The following KAT6B variants were observed in gnomAD, a reference collection of about 807,000 sequenced individuals.
KAT6B encodes lysine acetyltransferase 6B.
KAT6B carries 10 observed loss-of-function variants against 187.5 expected under a neutral mutation model. That is an observed-to-expected ratio of 0.05 (90% CI 0.03 to 0.09). The LOEUF is 0.09. Among genes scored for constraint, KAT6B ranks in the 10% least tolerant of loss-of-function variants. KAT6B has a pLI of 1.00. For synonymous variants in KAT6B, 861 were observed against 926.8 expected (o/e 0.93, Z 1.29); for missense variants, 1,952 against 2,558.9 (o/e 0.76, Z 5.12).
At chr10:75,000,676 A>C (rs1263045088) in intron 13 of KAT6B, among the ~76,000 whole-genome samples, 1 of 152,170 alleles carries the variant, frequency 6.6e-6, no homozygotes, top group Non-Finnish European at 1.5e-5. Context: ...CATTTCTAAA[A>C]TTAGTATGTT....
At chr10:74,984,636 G>A (rs1460985704) in intron 11 of KAT6B, 1 of 184,588 alleles carries the variant, frequency 5.4e-6, no homozygotes, top group African/African-American at 2.4e-5. Flanking sequence ...GAATAATACA[G>A]TTCATTTATT....
intron 3 of KAT6B, among the ~76,000 whole-genome samples, chr10:74,894,942 C>T (rs2132683195): frequency 6.6e-6 from 1 of 152,220 alleles, no homozygotes; most frequent in Admixed American, 6.5e-5. Flanking sequence ...GCTGGATCAT[C>T]ATTCTGTTTT....
At chr10:74,952,846 A>ATTTTTTTTTTTTTTT (rs34687036) in intron 3 of KAT6B, among the ~76,000 whole-genome samples, 3 of 90,520 alleles carry the variant, frequency 3.3e-5, no homozygotes, top group African/African-American at 8.2e-5. Context: ...TGCCTGGCTA[A>ATTTTTTTTTTTTTTT]TTTTTTTTTT....
chr10:74,901,820 A>T (rs971670684), intron 3 of KAT6B, among the ~76,000 whole-genome samples: 4 of 152,222 alleles, frequency 2.6e-5, no homozygotes, highest in African/African-American at 9.6e-5. Flanking sequence ...CTTTTAGAAG[A>T]TCTTTAAAAA....
intron 3 of KAT6B, among the ~76,000 whole-genome samples, chr10:74,932,184 C>T (rs1848930040): frequency 6.6e-6 from 1 of 152,158 alleles, no homozygotes; most frequent in Admixed American, 6.5e-5. Flanking sequence ...TGTTGATTGG[C>T]CAAAATATCT....
chr10:74,930,238 T>C (rs1262443149), intron 3 of KAT6B, among the ~76,000 whole-genome samples: 2 of 152,168 alleles, frequency 1.3e-5, no homozygotes. Context: ...TTTTATTATT[T>C]TAACATACTT....
Position 74,842,680 on chromosome 10 carries a change from C to T in KAT6B, c.-178C>T. 1.4e-6 allele frequency: 1 copy of T among 691,050 alleles called. No individual in the cohort carries two copies. The highest frequency in any genetic ancestry group is 1.7e-5 in the South Asian group (1 of 57,752). The allele number at this position is 691,050 out of a possible 1,614,324, so 42.8% of individuals were successfully genotyped here. On this transcript the variant is annotated 5_prime_UTR_variant, in exon 3 of 18. Coordinates refer to ENST00000287239, the MANE Select transcript of KAT6B (RefSeq NM_012330.4). The stretch of plus-strand genomic sequence containing the variant: ...TAAAATAAGACAACCATCAACATTG[C>T]CTGTTTGTCTGCTTTTGAATCTCTT...
In KAT6B at chr10:74,850,128, C is replaced by T. The variant is rs990540274; in HGVS notation, c.621+6650C>T. ...TAATTTTTTGTATTTTTAGTAGAGACGGGGTTTCACCGTGTTAGCCAGGAT... is the reference window on the plus strand; with the variant it reads ...TAATTTTTTGTATTTTTAGTAGAGATGGGGTTTCACCGTGTTAGCCAGGAT... On this transcript the variant is annotated intron_variant, in intron 3 of 17. Coordinates refer to ENST00000287239, the MANE Select transcript of KAT6B (RefSeq NM_012330.4). 2.0e-5 allele frequency among the ~76,000 whole-genome samples: 3 copies of T among 151,948 alleles called. No homozygotes were observed. In the South Asian group the frequency reaches 6.2e-4, roughly 32 times the overall value.
intron 3 of KAT6B, among the ~76,000 whole-genome samples, chr10:74,932,907 GAACA>G (rs976960970): frequency 1.3e-5 from 2 of 152,312 alleles, no homozygotes; most frequent in Admixed American, 6.5e-5. Flanking sequence ...ACACCAGGGA[GAACA>G]AACAGGCTCT....
intron 1 of KAT6B, among the ~76,000 whole-genome samples, chr10:74,830,769 T>TATATATATATGTATATATA (rs58702000): frequency 1.3e-4 from 1 of 7,736 alleles, no homozygotes; most frequent in African/African-American, 3.6e-4. Context: ...TATATATATA[T>TATATATATATGTATATATA]TTTTTTTTTT....
intron 1 of KAT6B, among the ~76,000 whole-genome samples, chr10:74,832,926 C>T (rs569044998): frequency 6.6e-5 from 10 of 151,536 alleles, no homozygotes; most frequent in Non-Finnish European, 1.2e-4. Context: ...AGCTCGAGAC[C>T]AGCCTGGCCA....
At chr10:75,022,508 G>C (rs544005361) in intron 16 of KAT6B, among the ~76,000 whole-genome samples, 1 of 152,308 alleles carries the variant, frequency 6.6e-6, no homozygotes, top group African/African-American at 2.4e-5. Context: ...TAGAGTAACT[G>C]AGGTTTATGG....
Position 74,871,070 on chromosome 10 carries a change from C to T in KAT6B, c.621+27592C>T, listed in dbSNP as rs186573222. On this transcript the variant is annotated intron_variant, in intron 3 of 17. Coordinates refer to ENST00000287239, the MANE Select transcript of KAT6B (RefSeq NM_012330.4). Reference sequence around the variant, plus strand: ...TTTTTTTGTGTGTTTTTAGTAGAGACGGGGTTCCACCATGTTGGCCGGGCT... The same window carrying T: ...TTTTTTTGTGTGTTTTTAGTAGAGATGGGGTTCCACCATGTTGGCCGGGCT... Among the ~76,000 whole-genome samples the T allele has an allele frequency of 1.3e-3, 194 of 146,764 alleles. 1 individual carries two copies. Among genetic ancestry groups the T allele is most frequent in the African/African-American group, 4.7e-3 (185 of 39,430 alleles).
chr10:74,852,444 GTTC>G (rs1269807033), intron 3 of KAT6B, among the ~76,000 whole-genome samples: 1 of 152,194 alleles, frequency 6.6e-6, no homozygotes, highest in African/African-American at 2.4e-5. Context: ...TGCAGTTCAT[GTTC>G]TTCTTATAAT....
intron 3 of KAT6B, among the ~76,000 whole-genome samples, chr10:74,868,545 G>A (rs986803696): frequency 6.6e-6 from 1 of 152,154 alleles, no homozygotes; most frequent in African/African-American, 2.4e-5. Context: ...CTCAGAGAAA[G>A]TGACTTTAGC....
chr10:74,845,947 T>C, intron 3 of KAT6B, among the ~76,000 whole-genome samples: 1 of 151,130 alleles, frequency 6.6e-6, no homozygotes, highest in East Asian at 2.0e-4. Context: ...CACTGCAACC[T>C]CCACCTCCCG....
intron 8 of KAT6B, chr10:74,976,809 A>G (rs916680344): frequency 6.1e-5 from 17 of 277,842 alleles, no homozygotes; most frequent in Non-Finnish European, 6.9e-5. Context: ...CTGATCTGTG[A>G]CTCTGTGATG....
intron 3 of KAT6B, among the ~76,000 whole-genome samples, chr10:74,954,344 A>G (rs1465674793): frequency 2.0e-5 from 3 of 152,218 alleles, no homozygotes; most frequent in African/African-American, 4.8e-5. Context: ...ATTATTGTTT[A>G]ATGGATACAG....
intron 3 of KAT6B, among the ~76,000 whole-genome samples, chr10:74,941,620 C>T (rs963246296): frequency 2.6e-5 from 4 of 152,138 alleles, no homozygotes; most frequent in Non-Finnish European, 5.9e-5. Flanking sequence ...CAAACACACA[C>T]ACATGCATGC....
Sources: allele counts gnomAD v4.1 joint callset (sites outside exome capture counted in the v4.1 genomes callset), GRCh38; gene constraint gnomAD v4.1.1; transcripts MANE v1.5; gene names NCBI Gene and HGNC (gene_info 2026-07-23, HGNC 2026-07-21).